MAPK14: variants seen among roughly 807,000 people sequenced by gnomAD.
MAPK14 encodes CSAID-binding protein.
Under a neutral mutation model 49.6 loss-of-function variants are expected in MAPK14, and 16 were observed. The observed-to-expected ratio is 0.32, with a 90% CI of 0.22 to 0.49. The LOEUF (loss-of-function observed/expected upper bound fraction) is 0.49, where lower values mean the gene tolerates loss of function less well. MAPK14 is among the 20% of genes least tolerant of loss of function. The probability of loss-of-function intolerance (pLI) is 0.99; values close to 1 mark genes in which losing one functional copy is unlikely to be tolerated. For synonymous variants in MAPK14, 142 were observed against 158.0 expected (o/e 0.90, Z 0.76); for missense variants, 200 against 441.2 (o/e 0.45, Z 4.90).
At position 36,028,240 on chromosome 6, in the gene MAPK14, C is replaced by G. The variant is rs764628833; in HGVS notation, c.83C>G (p.Ser28Cys). The part of the protein sequence containing the change: ...WEVPERYQNL[S>C]PVGSGAYGSV... The stretch of plus-strand genomic sequence containing the variant: ...GTGCCCGAGCGTTACCAGAACCTGT[C>G]TCCAGTGGGCTCTGGCGCCTATGGC... Residue 28 changes from serine (S) to cysteine (C), a missense_variant, in exon 1 of 12, where the codon TCT becomes TGT. By Grantham distance (112) the Ser-to-Cys change is moderately radical. Around this residue, in one of 2 missense-constraint regions of MAPK14, gnomAD observed 30 missense variants for 34.2 expected, o/e 0.88. Coordinates refer to ENST00000229794, the MANE Select transcript of MAPK14 (RefSeq NM_139012.3). The surrounding 1 kb of genome is among the most constrained non-coding windows in gnomAD (Gnocchi z 5.1). 6.2e-7 allele frequency: 1 copy of G among 1,613,688 alleles called. No homozygotes were observed. The highest frequency in any genetic ancestry group is 2.2e-5 in the East Asian group (1 of 44,836).
chr6:36,062,243 T>C (rs1400285262), intron 3 of MAPK14, among the ~76,000 whole-genome samples: 4 of 152,314 alleles, frequency 2.6e-5, no homozygotes, highest in Middle Eastern at 3.4e-3. Context: ...CTCAAAGTGC[T>C]GGGATTACAG....
intron 1 of MAPK14, among the ~76,000 whole-genome samples, chr6:36,045,841 A>G (rs1017464817): frequency 2.0e-5 from 3 of 151,220 alleles, no homozygotes; most frequent in African/African-American, 7.3e-5. Flanking sequence ...AAAGAAAGAA[A>G]GGACCTCATG....
rs538624709 is a variant in MAPK14, at chr6:36,041,658, T to C, written c.117-11041T>C. On this transcript the variant is annotated intron_variant, in intron 1 of 11. Coordinates refer to ENST00000229794, the MANE Select transcript of MAPK14 (RefSeq NM_139012.3). ...AAGCGGATGTCATCATTAGCACTGA[T>C]GACTGACAGTAGTTATAAAAATTAC... is the stretch of plus-strand genomic sequence containing the variant. Among the ~76,000 whole-genome samples the C allele has an allele frequency of 2.6e-5, 4 of 152,354 alleles. No individual in the cohort carries two copies. The South Asian group carries it at 8.3e-4, about 32-fold the overall frequency.
intron 2 of MAPK14, among the ~76,000 whole-genome samples, chr6:36,059,056 A>G (rs1376445150): frequency 1.3e-5 from 2 of 151,864 alleles, no homozygotes; most frequent in Non-Finnish European, 1.5e-5. Flanking sequence ...CACCTGGCTA[A>G]TGTTTGTATT....
intron 1 of MAPK14, among the ~76,000 whole-genome samples, chr6:36,048,711 A>G (rs886792612): frequency 2.6e-5 from 4 of 152,242 alleles, no homozygotes; most frequent in African/African-American, 7.2e-5. Flanking sequence ...TGAACAGTCC[A>G]TTTATTGAGA....
At position 36,052,111 on chromosome 6, in the gene MAPK14, C is replaced by T. The variant is rs1427430484; in HGVS notation, c.117-588C>T. 3.9e-5 allele frequency among the ~76,000 whole-genome samples: 6 copies of T among 152,168 alleles called. No homozygotes were observed. In the South Asian group the frequency reaches 1.0e-3, roughly 26 times the overall value. ...ATTTTATTATTCTGTTCTGCTCTTC[C>T]CCCATTCCCTGAAGGTGCCAAGTAC... On this transcript the variant is annotated intron_variant, in intron 1 of 11. Coordinates refer to ENST00000229794, the MANE Select transcript of MAPK14 (RefSeq NM_139012.3).
chr6:36,038,489 G>T (rs1340661177), intron 1 of MAPK14, among the ~76,000 whole-genome samples: 1 of 152,122 alleles, frequency 6.6e-6, no homozygotes, highest in Non-Finnish European at 1.5e-5. Flanking sequence ...AGCCTTGGAG[G>T]GTTATGACCA....
intron 1 of MAPK14, among the ~76,000 whole-genome samples, chr6:36,035,400 C>G (rs1040056527): frequency 3.9e-5 from 6 of 152,230 alleles, no homozygotes; most frequent in African/African-American, 1.4e-4. Context: ...GCTCTGCCAA[C>G]CAGCTGTTCC....
intron 1 of MAPK14, among the ~76,000 whole-genome samples, chr6:36,045,654 A>G (rs1170433662): frequency 3.3e-5 from 5 of 151,892 alleles, no homozygotes; most frequent in Admixed American, 6.6e-5. Flanking sequence ...TAAAAATACA[A>G]AAAAACTAGC....
intron 1 of MAPK14, among the ~76,000 whole-genome samples, chr6:36,041,416 T>TG (rs1464027072): frequency 6.6e-6 from 1 of 152,192 alleles, no homozygotes; most frequent in Non-Finnish European, 1.5e-5. Flanking sequence ...GTCTCAACAA[T>TG]GGTCTTGTTC....
At chr6:36,076,937 T>C (rs1424191796) in intron 8 of MAPK14, 2 of 192,226 alleles carry the variant, frequency 1.0e-5, no homozygotes, top group Non-Finnish European at 2.1e-5. Context: ...GTGACAGTTT[T>C]AGTCTTCTTG....
downstream of MAPK14, among the ~76,000 whole-genome samples, chr6:36,114,028 T>C (rs1275749990): frequency 3.9e-5 from 6 of 152,248 alleles, no homozygotes; most frequent in Non-Finnish European, 8.8e-5. Context: ...TTTGGCACTA[T>C]TGGCATCTCA....
chr6:36,038,563 C>T (rs951735986), intron 1 of MAPK14, among the ~76,000 whole-genome samples: 9 of 152,084 alleles, frequency 5.9e-5, no homozygotes, highest in Non-Finnish European at 1.0e-4. Flanking sequence ...CCAAGTTTTT[C>T]GTTTCGGTTC....
chr6:36,056,444 T>C (rs1483635066), intron 2 of MAPK14, among the ~76,000 whole-genome samples: 70 of 152,218 alleles, frequency 4.6e-4, no homozygotes. Context: ...CAGCCATTCA[T>C]TGAACTCCTG....
At chr6:36,068,959 A>T (rs1764166507) in intron 3 of MAPK14, among the ~76,000 whole-genome samples, 2 of 152,222 alleles carry the variant, frequency 1.3e-5, no homozygotes, top group Admixed American at 1.3e-4. Context: ...GAAAAGTGAA[A>T]AACAAGATTT....
chr6:36,052,347 A>AC (rs1763433341), intron 1 of MAPK14, among the ~76,000 whole-genome samples: 1 of 152,184 alleles, frequency 6.6e-6, no homozygotes, highest in Non-Finnish European at 1.5e-5. Context: ...ACACAGCCAC[A>AC]CCCATTTTAA....
chr6:36,084,222 A>G (rs1303149620), intron 8 of MAPK14, among the ~76,000 whole-genome samples: 1 of 152,212 alleles, frequency 6.6e-6, no homozygotes, highest in Non-Finnish European at 1.5e-5. Context: ...AAAGCTAGGT[A>G]AAGTCATGAA....
intron 8 of MAPK14, among the ~76,000 whole-genome samples, chr6:36,094,718 G>C (rs773949999): frequency 2.0e-5 from 3 of 152,204 alleles, no homozygotes; most frequent in African/African-American, 7.2e-5. Context: ...TTAGGCTGGG[G>C]ATAAATGGTG....
At chr6:36,124,156 C>CTTCCTTCCTTCT in the MAPK14 span, among the ~76,000 whole-genome samples, 1 of 133,884 alleles carries the variant, frequency 7.5e-6, no homozygotes, top group African/African-American at 2.8e-5. Flanking sequence ...CCCTCCCTTC[C>CTTCCTTCCTTCT]TTCCTTCCTT....
Sources: gnomAD v4.1 joint callset for allele counts (sites outside exome capture counted in the v4.1 genomes callset) on GRCh38, gnomAD v4.1.1 for gene constraint, gnomAD v4.1.1 regional missense constraint, Gnocchi (gnomAD v3.1) non-coding constraint, MANE v1.5 for transcripts, NCBI Gene and HGNC (gene_info 2026-07-23, HGNC 2026-07-21) for gene names.